The following LPIN1 variants were observed in gnomAD, a reference collection of about 807,000 sequenced individuals.
The protein encoded by LPIN1 is lipin 1.
LPIN1 carries 71 observed loss-of-function variants against 107.5 expected under a neutral mutation model. The observed-to-expected ratio is 0.66, with a 90% CI of 0.55 to 0.80. LPIN1 has a LOEUF of 0.80. LPIN1 is among the 30% of genes least tolerant of loss of function. The probability of loss-of-function intolerance (pLI) is 0.00; values close to 1 mark genes in which losing one functional copy is unlikely to be tolerated. For synonymous variants in LPIN1, 445 were observed against 452.6 expected (o/e 0.98, Z 0.21); for missense variants, 1,043 against 1,160.6 (o/e 0.90, Z 1.47).
At chr2:11,693,841 T>A (rs1357072634) in intron 1 of LPIN1, among the ~76,000 whole-genome samples, 6 of 105,326 alleles carry the variant, frequency 5.7e-5, no homozygotes, top group African/African-American at 2.5e-4. Context: ...TTTTTTTTTT[T>A]TTTTTTTTTT....
intron 1 of LPIN1, among the ~76,000 whole-genome samples, chr2:11,729,869 CCT>C (rs113741839): frequency 0.075 from 11,364 of 151,870 alleles, 572 homozygotes; most frequent in African/African-American, 0.15. Flanking sequence ...ATAGAAAATG[CCT>C]CTGTGTGTGT....
intron 1 of LPIN1, among the ~76,000 whole-genome samples, chr2:11,695,001 A>G (rs536231243): frequency 4.4e-4 from 67 of 152,278 alleles, no homozygotes; most frequent in African/African-American, 1.6e-3. Flanking sequence ...GCTCCTGCCC[A>G]TGAAATAAAT....
At chr2:11,804,968 T>G in intron 16 of LPIN1, 102 bp from the exon 17 acceptor site, 1 of 776,412 alleles carries the variant, frequency 1.3e-6, no homozygotes, top group Non-Finnish European at 2.2e-6. Flanking sequence ...AAGAAAGTTG[T>G]GGGTCTTGTT....
Position 11,771,414 on chromosome 2 carries a change from G to A in LPIN1, c.331G>A (p.Glu111Lys). 6.2e-7 allele frequency: 1 copy of A among 1,614,256 alleles called. No homozygotes were observed. Among genetic ancestry groups the A allele is most frequent in the South Asian group, 1.1e-5 (1 of 91,090 alleles). Reference sequence around the variant, plus strand: ...CCTGGCCACCTCCCCCATCCTGTCAGAAGGAGCTTCGAGAATGGAATGCCA... The same window carrying A: ...CCTGGCCACCTCCCCCATCCTGTCAAAAGGAGCTTCGAGAATGGAATGCCA... ...MHLATSPILSEGASRMECQLK... is the reference protein window; with the variant it reads ...MHLATSPILSKGASRMECQLK... The change falls in exon 4 of 21, where the codon GAA becomes AAA. Residue 111 changes from glutamate to lysine, a missense_variant. Transcript: ENST00000674199. This position sits in a 1 kb window ranked among gnomAD's most constrained non-coding sequence, Gnocchi z 4.8.
chr2:11,760,169 G>C (rs1162283577), intron 1 of LPIN1, among the ~76,000 whole-genome samples: 1 of 151,518 alleles, frequency 6.6e-6, no homozygotes, highest in Non-Finnish European at 1.5e-5. Context: ...GATGGCGGCC[G>C]GGAAGAGGCA....
chr2:11,795,357 A>C, intron 13 of LPIN1, 51 bp from the exon 14 acceptor site: 1 of 1,482,566 alleles, frequency 6.7e-7, no homozygotes, highest in Non-Finnish European at 9.4e-7. Flanking sequence ...GGCTGTCTGC[A>C]AGCCCCTTCT....
chr2:11,812,402 A>G (rs1679822364), intron 17 of LPIN1, among the ~76,000 whole-genome samples: 1 of 151,790 alleles, frequency 6.6e-6, no homozygotes, highest in African/African-American at 2.4e-5. Context: ...AGCAAGGGCC[A>G]GTGCCTGGGT....
intron 1 of LPIN1, among the ~76,000 whole-genome samples, chr2:11,737,474 CA>C (rs1421990525): frequency 6.6e-6 from 1 of 152,140 alleles, no homozygotes; most frequent in African/African-American, 2.4e-5. Flanking sequence ...AAAATTTTTG[CA>C]GTCTACCCAC....
At chr2:11,684,294 C>T (rs1661883672) in intron 1 of LPIN1, among the ~76,000 whole-genome samples, 1 of 152,234 alleles carries the variant, frequency 6.6e-6, no homozygotes. Context: ...CCACCTCATC[C>T]TCCCAGGTAG....
chr2:11,725,362 G>C (rs1572416010), intron 1 of LPIN1, among the ~76,000 whole-genome samples: 1 of 152,220 alleles, frequency 6.6e-6, no homozygotes, highest in East Asian at 1.9e-4. Context: ...AGTATTTTCA[G>C]GGACAGGGAA....
intron 4 of LPIN1, among the ~76,000 whole-genome samples, chr2:11,772,935 T>C (rs989815583): frequency 3.7e-5 from 1 of 27,122 alleles, no homozygotes; most frequent in Admixed American, 2.4e-4. Flanking sequence ...CTACAGCCTC[T>C]ATCTAACCTG....
chr2:11,823,794 T>G (rs1177499286), intron 20 of LPIN1, among the ~76,000 whole-genome samples: 1 of 152,208 alleles, frequency 6.6e-6, no homozygotes, highest in Non-Finnish European at 1.5e-5. Flanking sequence ...AACATATTTT[T>G]GGGCATGCAA....
At chr2:11,792,133 C>A in intron 13 of LPIN1, 127 bp downstream of exon 13, 1 of 827,784 alleles carries the variant, frequency 1.2e-6, no homozygotes, top group Non-Finnish European at 2.0e-6. Flanking sequence ...CATGAGCCAG[C>A]TCTGCCATGA....
At chr2:11,749,939 A>G (rs536316206) in intron 1 of LPIN1, among the ~76,000 whole-genome samples, 1 of 152,386 alleles carries the variant, frequency 6.6e-6, no homozygotes, top group South Asian at 2.1e-4. Flanking sequence ...ATAGGCTGTT[A>G]GAACAGGCAC....
chr2:11,700,211 C>G (rs932961725), intron 1 of LPIN1, among the ~76,000 whole-genome samples: 1 of 151,892 alleles, frequency 6.6e-6, no homozygotes, highest in Non-Finnish European at 1.5e-5. Context: ...CACCTGCAAT[C>G]CAAGAACCCA....
intron 1 of LPIN1, among the ~76,000 whole-genome samples, chr2:11,756,134 G>A (rs989090075): frequency 6.6e-5 from 10 of 152,108 alleles, no homozygotes; most frequent in Non-Finnish European, 1.0e-4. Flanking sequence ...GCATTTGCTC[G>A]GCCAGTCTTA....
At chr2:11,755,723 CT>C (rs1297191152) in intron 1 of LPIN1, among the ~76,000 whole-genome samples, 1,415 of 138,158 alleles carry the variant, frequency 0.01, 9 homozygotes, top group African/African-American at 0.023. Context: ...ACACTTAGTT[CT>C]TTTTTTTTTT....
Position 11,795,465 on chromosome 2 carries a change from C to T in LPIN1, c.1864C>T (p.Pro622Ser), listed in dbSNP as rs2148681862. Residue 622 changes from proline to serine, a missense_variant, in exon 14 of 21, where the codon CCG (proline) becomes TCG (serine). Pro to Ser is a moderately conservative substitution (Grantham distance 74, BLOSUM62 -1). Transcript: ENST00000674199. Reference protein sequence around the residue: ...GKAHSTGEQPPQLSLATRVKH... With the variant: ...GKAHSTGEQPSQLSLATRVKH... Reference sequence around the variant, plus strand: ...GGCCCATAGCACCGGAGAGCAACCGCCGCAGCTCAGCTTGGCCACCAGGTG... The same window carrying T: ...GGCCCATAGCACCGGAGAGCAACCGTCGCAGCTCAGCTTGGCCACCAGGTG... 6.2e-7 allele frequency: 1 copy of T among 1,614,186 alleles called. No homozygotes were observed. Among genetic ancestry groups the T allele is most frequent in the Non-Finnish European group, 8.5e-7 (1 of 1,180,028 alleles).
chr2:11,769,254 C>T (rs1246473064), intron 3 of LPIN1, among the ~76,000 whole-genome samples: 1 of 152,188 alleles, frequency 6.6e-6, no homozygotes, highest in Non-Finnish European at 1.5e-5. Context: ...TGATTCTAGT[C>T]ATTCTAGTGG....
Sources: allele counts gnomAD v4.1 joint callset (sites outside exome capture counted in the v4.1 genomes callset), GRCh38; gene constraint gnomAD v4.1.1; non-coding constraint Gnocchi (gnomAD v3.1); transcripts MANE v1.5; gene names NCBI Gene and HGNC (gene_info 2026-07-23, HGNC 2026-07-21).